Variants in NT5E observed in about 807,000 individuals in gnomAD.
NT5E encodes 5'-nucleotidase.
Under a neutral mutation model 55.1 loss-of-function variants are expected in NT5E, and 53 were observed. The ratio of observed to expected loss-of-function variants is 0.96; its 90% CI spans 0.77 to 1.21. The LOEUF is 1.21. Among genes scored for constraint, NT5E ranks in the 50% most tolerant of loss-of-function variants. NT5E has a pLI of 0.00. For synonymous variants in NT5E, 270 were observed against 278.4 expected (o/e 0.97, Z 0.30); for missense variants, 683 against 724.3 (o/e 0.94, Z 0.65).
chr6:85,450,220 G>A lies in NT5E; in HGVS notation c.81G>A (p.Trp27Ter), dbSNP rs1185426090. 1 of 1,609,426 alleles carries A rather than the reference G, an allele frequency of 6.2e-7. No homozygotes were observed. Among genetic ancestry groups the A allele is most frequent in the Admixed American group, 1.7e-5 (1 of 59,718 alleles). ...GAVLWPAAGA[W>*]ELTILHTNDV... is the part of the protein sequence containing the mutation. ...TGCTGTGGCCTGCGGCTGGCGCCTG[G>A]GAGCTTACGATTTTGCACACCAACG... The change falls in exon 1 of 9, where the codon TGG becomes TGA. Residue 27 changes from tryptophan (W) to a stop codon, truncating the protein, a stop_gained. Transcript: ENST00000257770. LOFTEE classifies it high-confidence loss of function. This position sits in a 1 kb window ranked among gnomAD's most constrained non-coding sequence, Gnocchi z 4.0.
rs1769300078 is a variant in NT5E, at chr6:85,471,265, C to T, written c.591C>T (p.Ile197=). The T allele has an allele frequency of 6.2e-7, 1 of 1,609,170 alleles. No homozygotes were observed. The highest frequency in any genetic ancestry group is 2.2e-5 in the East Asian group (1 of 44,698). Residue 197 remains isoleucine (I), a synonymous_variant, in exon 3 of 9, where the codon ATC becomes ATT. Transcript: ENST00000257770. The part of the protein sequence containing the change: ...PGTNLVFEDE[I]TALQPEVDKL... ...CAAATTTAGTGTTTGAAGATGAAATCACTGCATTACAACCTGAAGTAGATA... is the reference window on the plus strand; with the variant it reads ...CAAATTTAGTGTTTGAAGATGAAATTACTGCATTACAACCTGAAGTAGATA...
At chr6:85,481,723 A>T (rs1351387492) in intron 3 of NT5E, among the ~76,000 whole-genome samples, 1 of 152,234 alleles carries the variant, frequency 6.6e-6, no homozygotes, top group African/African-American at 2.4e-5. Context: ...TTCCAGATGA[A>T]GCTGGCGTGA....
At chr6:85,454,106 A>G (rs1291134955) in intron 1 of NT5E, among the ~76,000 whole-genome samples, 6 of 152,100 alleles carry the variant, frequency 3.9e-5, no homozygotes, top group Non-Finnish European at 8.8e-5. Context: ...TATTTTACCC[A>G]TCTGCTCCCT....
intron 3 of NT5E, among the ~76,000 whole-genome samples, chr6:85,483,934 G>C (rs1278592822): frequency 6.6e-6 from 1 of 152,134 alleles, no homozygotes; most frequent in Admixed American, 6.5e-5. Flanking sequence ...TCACAGCCTG[G>C]GTTTTCAGTC....
At position 85,494,762 on chromosome 6, in the gene NT5E, G is replaced by A. The variant is rs563611464; in HGVS notation, c.*758G>A. On this transcript the variant is annotated 3_prime_UTR_variant, in exon 9 of 9. Transcript: ENST00000257770. ...TTGATGAGTCAGGTAGCAAGCTGTA[G>A]TAGATAATGAGAAAGGCCAGAGGCT... is the stretch of plus-strand genomic sequence containing the variant. 1 of 152,420 alleles carries A rather than the reference G, an allele frequency of 6.6e-6. No homozygotes were observed. Among genetic ancestry groups the A allele is most frequent in the East Asian group, 1.9e-4 (1 of 5,194 alleles). 9.4% of individuals were successfully genotyped at this position (152,420 alleles called of 1,614,324 possible).
rs1292780377 is a variant in NT5E at position 85,492,303 on chromosome 6, T to C, written c.1561+126T>C. 3 of 810,334 alleles carry C rather than the reference T, an allele frequency of 3.7e-6. No individual in the cohort carries two copies. In the African/African-American group the frequency reaches 5.1e-5, roughly 14 times the overall value. The allele number at this position is 810,334 out of a possible 1,614,324, so 50.2% of individuals were successfully genotyped here. A position where few individuals can be genotyped will look rare whatever the true frequency, so the allele number is the denominator to read the frequency against. On this transcript the variant is annotated intron_variant, in intron 8 of 8. Transcript: ENST00000257770. ...GCTGACTCCCTCCTGCTTTGCTTGT[T>C]GGAAAGCAGCAGCACAGCACAGCAG...
chr6:85,492,129 G>C lies in NT5E; in HGVS notation c.1513G>C (p.Gly505Arg). 6.2e-7 allele frequency: 1 copy of C among 1,614,160 alleles called. No homozygotes were observed. The highest frequency in any genetic ancestry group is 1.1e-5 in the South Asian group (1 of 91,078). The change falls in exon 8 of 9, where the codon GGA becomes CGA. Residue 505 changes from glycine to arginine, a missense_variant. Transcript: ENST00000257770. ...CCTCCCAAACTTCCTGGCCAATGGT[G>C]GAGATGGGTTCCAGATGATAAAAGA... Reference protein sequence around the residue: ...VILPNFLANGGDGFQMIKDEL... With the variant: ...VILPNFLANGRDGFQMIKDEL...
intron 1 of NT5E, among the ~76,000 whole-genome samples, chr6:85,454,830 C>A (rs2127753804): frequency 6.6e-6 from 1 of 152,312 alleles, no homozygotes; most frequent in Non-Finnish European, 1.5e-5. Flanking sequence ...CTATGCAATT[C>A]ACTTCTCAGC....
intron 3 of NT5E, among the ~76,000 whole-genome samples, chr6:85,478,623 G>T (rs1479321381): frequency 6.6e-6 from 1 of 152,052 alleles, no homozygotes. Flanking sequence ...TTTTTAAAAT[G>T]GTGACAGTGA....
intron 1 of NT5E, among the ~76,000 whole-genome samples, chr6:85,455,667 C>A (rs1482687582): frequency 6.6e-6 from 1 of 152,170 alleles, no homozygotes; most frequent in African/African-American, 2.4e-5. Context: ...TGATTTATAG[C>A]CATTCAGCCA....
rs1186132042 is a variant in NT5E, at chr6:85,466,815, AC to A, written c.340-241del. Among the ~76,000 whole-genome samples, 7 of 152,006 alleles carry A rather than the reference AC, an allele frequency of 4.6e-5. No homozygotes were observed. In the East Asian group the frequency reaches 1.4e-3, roughly 29 times the overall value. On this transcript the variant is annotated intron_variant, in intron 1 of 8. Coordinates refer to ENST00000257770, the MANE Select transcript of NT5E (RefSeq NM_002526.4). ...CCAATCTGAGATGGTGGGACAGTGG[AC>A]CCCTGGCCAGCTCTCCAGGTGTTGC...
intron 3 of NT5E, among the ~76,000 whole-genome samples, chr6:85,480,232 T>C (rs1769517204): frequency 6.6e-6 from 1 of 152,220 alleles, no homozygotes; most frequent in Non-Finnish European, 1.5e-5. Context: ...CATGAGGGCT[T>C]TGTGCCCACT....
chr6:85,452,194 G>A (rs1357092399), intron 1 of NT5E, among the ~76,000 whole-genome samples: 1 of 152,158 alleles, frequency 6.6e-6, no homozygotes, highest in African/African-American at 2.4e-5. Flanking sequence ...CTCCCAGAAG[G>A]GTAGAATAAA....
At position 85,495,496 on chromosome 6, in the gene NT5E, T is replaced by C. The variant is rs1769873620; in HGVS notation, c.*1492T>C. 6.6e-6 allele frequency: 1 copy of C among 152,256 alleles called. No individual in the cohort carries two copies. The allele number at this position is 152,256 out of a possible 1,614,324, so 9.4% of individuals were successfully genotyped here. On this transcript the variant is annotated 3_prime_UTR_variant, in exon 9 of 9. Coordinates refer to ENST00000257770, the MANE Select transcript of NT5E (RefSeq NM_002526.4). ...ATACAAAATATACTTTTAAACTTCA[T>C]AACCTTTTTATAAAAGTTGTTGCAG... is the stretch of plus-strand genomic sequence containing the variant.
At position 85,494,351 on chromosome 6, in the gene NT5E, C is replaced by T; in HGVS notation, c.*347C>T. 8.7e-6 allele frequency: 2 copies of T among 228,866 alleles called. No individual in the cohort carries two copies. The highest frequency in any genetic ancestry group is 1.7e-5 in the Non-Finnish European group (2 of 115,216). 14.2% of individuals were successfully genotyped at this position (228,866 alleles called of 1,614,324 possible). A position where few individuals can be genotyped will look rare whatever the true frequency, so the allele number is the denominator to read the frequency against. ...AGCTTATGTTTACATAAAATTTTAT[C>T]ATTCACAAGGAAGTTTTAAGCACAC... On this transcript the variant is annotated 3_prime_UTR_variant, in exon 9 of 9. Transcript: ENST00000257770.
intron 8 of NT5E, among the ~76,000 whole-genome samples, chr6:85,493,573 T>C (rs1356947143): frequency 1.3e-5 from 2 of 152,180 alleles, no homozygotes; most frequent in Non-Finnish European, 2.9e-5. Flanking sequence ...AAGGCTATGA[T>C]GTCAATGACC....
chr6:85,459,221 C>T (rs924297251), intron 1 of NT5E, among the ~76,000 whole-genome samples: 17 of 152,112 alleles, frequency 1.1e-4, no homozygotes, highest in African/African-American at 4.1e-4. Flanking sequence ...TTCTTGCCTC[C>T]CAAAATGCTG....
rs551588425 is a variant in NT5E, at chr6:85,467,224, T to G, written c.504T>G (p.Asp168Glu). 4.3e-5 allele frequency: 70 copies of G among 1,614,176 alleles called. 1 individual carries two copies. The South Asian group carries it at 4.9e-4, about 11-fold the overall frequency. ...CATATAAAGTTCTTCCTGTTGGTGA[T>G]GAAGTTGTGGGAATCGTTGGATACA... ...YLPYKVLPVG[D>E]EVVGIVGYTS... is the part of the protein sequence containing the mutation. The change falls in exon 2 of 9, where the codon GAT (aspartate) becomes GAG (glutamate). Residue 168 changes from aspartate (D) to glutamate (E), a missense_variant. Physicochemically the swap from Asp to Glu is conservative, Grantham distance 45. Coordinates refer to ENST00000257770, the MANE Select transcript of NT5E (RefSeq NM_002526.4).
At chr6:85,464,570 C>T (rs932351867) in intron 1 of NT5E, among the ~76,000 whole-genome samples, 4 of 152,026 alleles carry the variant, frequency 2.6e-5, no homozygotes, top group African/African-American at 4.8e-5. Context: ...CCTAAGAGCC[C>T]CCTGGACCCT....
Sources: allele counts gnomAD v4.1 joint callset (sites outside exome capture counted in the v4.1 genomes callset), GRCh38; gene constraint gnomAD v4.1.1; non-coding constraint Gnocchi (gnomAD v3.1); transcripts MANE v1.5; gene names NCBI Gene and HGNC (gene_info 2026-07-23, HGNC 2026-07-21).